ZFAND3: variants seen among roughly 807,000 people sequenced by gnomAD.
ZFAND3 encodes zinc finger AN1-type containing 3.
In ZFAND3, 10 loss-of-function variants were observed where a neutral mutation model predicts 29.6. That is an observed-to-expected ratio of 0.34 (90% confidence interval 0.21 to 0.57). The LOEUF (loss-of-function observed/expected upper bound fraction) is 0.57, where lower values mean the gene tolerates loss of function less well. ZFAND3 is among the 20% of genes least tolerant of loss of function. The pLI is 0.86. For synonymous variants in ZFAND3, 128 were observed against 112.6 expected (o/e 1.14, Z -0.87); for missense variants, 230 against 304.5 (o/e 0.76, Z 1.82).
chr6:38,065,271 C>A (rs1227501758), intron 3 of ZFAND3, among the ~76,000 whole-genome samples: 1 of 151,642 alleles, frequency 6.6e-6, no homozygotes, highest in African/African-American at 2.4e-5. Context: ...GCCGAGATCA[C>A]TCCACTGCAC....
intron 1 of ZFAND3, among the ~76,000 whole-genome samples, chr6:37,870,623 A>C (rs1402367858): frequency 6.8e-6 from 1 of 146,460 alleles, no homozygotes; most frequent in Non-Finnish European, 1.5e-5. Context: ...AAAAAAGAGC[A>C]CTTAACATGA....
intron 2 of ZFAND3, among the ~76,000 whole-genome samples, chr6:38,045,826 A>C (rs1279970374): frequency 6.6e-6 from 1 of 152,232 alleles, no homozygotes; most frequent in East Asian, 1.9e-4. Context: ...ATCCATATAT[A>C]AACATCTATA....
chr6:37,892,594 G>A (rs1243276801), intron 1 of ZFAND3, among the ~76,000 whole-genome samples: 1 of 152,034 alleles, frequency 6.6e-6, no homozygotes, highest in Non-Finnish European at 1.5e-5. Flanking sequence ...CAAACAGAAA[G>A]AAGAACAAAA....
Position 38,152,661 on chromosome 6 carries a change from C to G in ZFAND3, c.*272C>G. ...TTGAGCATGGCTAGTGGATTTAAAA[C>G]AACACATACCTGTCACTGCTGGAGT... On this transcript the variant is annotated 3_prime_UTR_variant, in exon 6 of 6. Coordinates refer to ENST00000287218, the MANE Select transcript of ZFAND3 (RefSeq NM_021943.3). 8.7e-7 allele frequency: 1 copy of G among 1,151,102 alleles called. No homozygotes were observed. The allele number at this position is 1,151,102 out of a possible 1,614,324, so 71.3% of individuals were successfully genotyped here. A position where few individuals can be genotyped will look rare whatever the true frequency, so the allele number is the denominator to read the frequency against.
intron 2 of ZFAND3, among the ~76,000 whole-genome samples, chr6:38,008,857 C>G (rs1000775557): frequency 6.6e-6 from 1 of 150,836 alleles, no homozygotes; most frequent in African/African-American, 2.4e-5. Context: ...GTGCTGTGAT[C>G]TGTAAAAAAA....
rs1365246829 is a variant in ZFAND3, at chr6:38,144,231, A to ATATATT, written c.530-8003_530-8002insATATTT. On this transcript the variant is annotated intron_variant, in intron 5 of 5. Coordinates refer to ENST00000287218, the MANE Select transcript of ZFAND3 (RefSeq NM_021943.3). The stretch of plus-strand genomic sequence containing the variant: ...TATATAATATATAATATATATATAT[A>ATATATT]TTTTTTTTTTAATAAGGTTGCTTGA... Among the ~76,000 whole-genome samples the ATATATT allele has an allele frequency of 2.8e-4, 21 of 75,250 alleles. 1 individual carries two copies. Among genetic ancestry groups the ATATATT allele is most frequent in the African/African-American group, 8.1e-4 (19 of 23,460 alleles). The allele number at this position is 75,250 out of a possible 152,430, so 49.4% of individuals were successfully genotyped here.
intron 2 of ZFAND3, among the ~76,000 whole-genome samples, chr6:37,983,340 T>TA (rs1762611267): frequency 7.4e-6 from 1 of 135,940 alleles, no homozygotes; most frequent in Non-Finnish European, 1.6e-5. Flanking sequence ...TACCAGTTTT[T>TA]ATCTTTTTTT....
rs1427571150 is a variant in ZFAND3 at position 37,844,866 on chromosome 6, T to A, written c.71+24850T>A. Among the ~76,000 whole-genome samples, 386 of 137,522 alleles carry A rather than the reference T, an allele frequency of 2.8e-3. 2 individuals are homozygous for A. The highest frequency in any genetic ancestry group is 0.01 in the African/African-American group (369 of 36,866). 90.2% of individuals were successfully genotyped at this position (137,522 alleles called of 152,430 possible). Reference sequence around the variant, plus strand: ...CGTCTCTACTAAAAAAAAAAAAAAATACAAAAAATTAGCCAGGCGTTGTGG... The same window carrying A: ...CGTCTCTACTAAAAAAAAAAAAAAAAACAAAAAATTAGCCAGGCGTTGTGG... On this transcript the variant is annotated intron_variant, in intron 1 of 5. Transcript: ENST00000287218.
chr6:37,934,475 G>A (rs4711518), intron 2 of ZFAND3, among the ~76,000 whole-genome samples: 130,257 of 149,686 alleles, frequency 0.87, 57,480 homozygotes, highest in East Asian at 0.96. Flanking sequence ...TTGAGGTAAA[G>A]TGGACTTAAA....
chr6:38,059,220 A>G (rs1314701174), intron 2 of ZFAND3, among the ~76,000 whole-genome samples: 1 of 152,194 alleles, frequency 6.6e-6, no homozygotes, highest in Non-Finnish European at 1.5e-5. Flanking sequence ...AGAGATAATC[A>G]CTGTCCGAAA....
intron 5 of ZFAND3, among the ~76,000 whole-genome samples, chr6:38,138,601 C>T (rs1303582255): frequency 6.6e-6 from 1 of 152,124 alleles, no homozygotes; most frequent in Non-Finnish European, 1.5e-5. Context: ...TTATTCCTGC[C>T]ACAGGACATT....
chr6:38,020,296 C>G (rs955044728), intron 2 of ZFAND3, among the ~76,000 whole-genome samples: 3 of 152,172 alleles, frequency 2.0e-5, no homozygotes, highest in Non-Finnish European at 4.4e-5. Flanking sequence ...ATCCAACACA[C>G]ATTAGTTTTC....
At chr6:38,019,583 GT>G (rs746876934) in intron 2 of ZFAND3, among the ~76,000 whole-genome samples, 1 of 152,000 alleles carries the variant, frequency 6.6e-6, no homozygotes. Flanking sequence ...GGCTTCTGGG[GT>G]TTTTTTGGGT....
intron 2 of ZFAND3, among the ~76,000 whole-genome samples, chr6:38,018,692 T>C (rs1283155530): frequency 2.6e-5 from 4 of 152,226 alleles, no homozygotes; most frequent in Non-Finnish European, 4.4e-5. Flanking sequence ...GTTCTCTGTT[T>C]TGGAGTATTT....
At chr6:37,868,718 T>C (rs1392118683) in intron 1 of ZFAND3, among the ~76,000 whole-genome samples, 1 of 152,218 alleles carries the variant, frequency 6.6e-6, no homozygotes, top group African/African-American at 2.4e-5. Flanking sequence ...GTGATAAACG[T>C]CACTTGGTCA....
At chr6:38,099,887 C>T (rs1765059778) in intron 4 of ZFAND3, among the ~76,000 whole-genome samples, 1 of 152,044 alleles carries the variant, frequency 6.6e-6, no homozygotes, top group South Asian at 2.1e-4. Context: ...ATGCAGATGG[C>T]TTTTAAAAGA....
At chr6:37,918,951 C>CTTTTTTTTTTTTTCTT (rs1761319278) in intron 1 of ZFAND3, among the ~76,000 whole-genome samples, 2 of 104,738 alleles carry the variant, frequency 1.9e-5, no homozygotes, top group Non-Finnish European at 3.7e-5. Flanking sequence ...TGAAAAATGC[C>CTTTTTTTTTTTTTCTT]TTTTTTTTTT....
intron 2 of ZFAND3, among the ~76,000 whole-genome samples, chr6:38,001,252 A>G (rs1178136679): frequency 6.6e-6 from 1 of 152,220 alleles, no homozygotes; most frequent in Non-Finnish European, 1.5e-5. Context: ...CCAGTTGAAT[A>G]ATAATCCCCT....
intron 3 of ZFAND3, among the ~76,000 whole-genome samples, chr6:38,079,088 G>C (rs1764608319): frequency 6.6e-6 from 1 of 152,186 alleles, no homozygotes; most frequent in African/African-American, 2.4e-5. Flanking sequence ...GGAACTACCT[G>C]TAATTGTGTG....
Sources: allele counts gnomAD v4.1 joint callset (sites outside exome capture counted in the v4.1 genomes callset), GRCh38; gene constraint gnomAD v4.1.1; transcripts MANE v1.5; gene names NCBI Gene and HGNC (gene_info 2026-07-23, HGNC 2026-07-21).